PRDM11: variants seen among roughly 807,000 people sequenced by gnomAD.
The protein encoded by PRDM11 is PR domain-containing protein 11.
PRDM11 carries 20 observed loss-of-function variants against 97.8 expected under a neutral mutation model. The observed-to-expected ratio is 0.20, with a 90% confidence interval of 0.14 to 0.30. PRDM11 has a LOEUF of 0.30. Among genes scored for constraint, PRDM11 ranks in the 10% least tolerant of loss-of-function variants. The pLI is 1.00. For synonymous variants in PRDM11, 599 were observed against 637.7 expected (o/e 0.94, Z 0.91); for missense variants, 1,139 against 1,555.2 (o/e 0.73, Z 4.50).
intron 1 of PRDM11, among the ~76,000 whole-genome samples, chr11:45,149,756 G>A (rs1016314549): frequency 1.5e-4 from 23 of 152,236 alleles, no homozygotes; most frequent in Non-Finnish European, 2.4e-4. Context: ...CACTCCGTGC[G>A]TGAAGCCCTT....
chr11:45,182,091 C>T (rs1164454079), intron 2 of PRDM11, among the ~76,000 whole-genome samples, 155 bp from the exon 3 acceptor site: 1 of 152,146 alleles, frequency 6.6e-6, no homozygotes, highest in Non-Finnish European at 1.5e-5. Flanking sequence ...CCAGTTTTTC[C>T]ACCACCTCCT....
chr11:45,220,234 G>A (rs1025732884), intron 6 of PRDM11, among the ~76,000 whole-genome samples: 3 of 152,234 alleles, frequency 2.0e-5, no homozygotes, highest in African/African-American at 7.2e-5. Flanking sequence ...TTAAAAGTTT[G>A]TGAAGAGTAG....
At chr11:45,154,834 A>T (rs1211281647) in intron 1 of PRDM11, among the ~76,000 whole-genome samples, 1 of 152,190 alleles carries the variant, frequency 6.6e-6, no homozygotes, top group Non-Finnish European at 1.5e-5. Flanking sequence ...TAGAGCTCAT[A>T]CAGTTTAGGA....
At chr11:45,155,696 G>A (rs928724975) in intron 1 of PRDM11, among the ~76,000 whole-genome samples, 6 of 151,956 alleles carry the variant, frequency 3.9e-5, no homozygotes, top group South Asian at 2.1e-4. Context: ...GCAGAGGGCA[G>A]GGAGGTGAAG....
rs1565241846 is a variant in PRDM11, at chr11:45,126,711, T to C, written c.96+30810T>C. On this transcript the variant is annotated intron_variant, in intron 1 of 6. Coordinates refer to the PRDM11 transcript ENST00000530656. ...GAGTTTCTGCCGAGAGATCCACTGT[T>C]AGTCTGATGGGCTTCCCTTTGTGGG... Among the ~76,000 whole-genome samples, 4 of 152,348 alleles carry C rather than the reference T, an allele frequency of 2.6e-5. No individual in the cohort carries two copies. In the Middle Eastern group the frequency reaches 0.014, roughly 518 times the overall value.
chr11:45,155,044 G>T (rs1851758042), intron 1 of PRDM11, among the ~76,000 whole-genome samples: 1 of 152,206 alleles, frequency 6.6e-6, no homozygotes, highest in Admixed American at 6.5e-5. Context: ...GTAGTGGCCG[G>T]TGGGCGCCTT....
chr11:45,112,453 C>G (rs910756956), intron 1 of PRDM11, among the ~76,000 whole-genome samples: 1 of 152,168 alleles, frequency 6.6e-6, no homozygotes, highest in East Asian at 1.9e-4. Flanking sequence ...GGTAGACACC[C>G]AGTAGTGGGA....
upstream of PRDM11, among the ~76,000 whole-genome samples, chr11:45,144,895 T>C (rs1254030969): frequency 6.6e-6 from 1 of 152,182 alleles, no homozygotes; most frequent in East Asian, 1.9e-4. Context: ...CAGTTCTGAA[T>C]TAATTGAAGT....
chr11:45,226,453 C>T lies in PRDM11; in HGVS notation c.1828C>T (p.Arg610Trp), dbSNP rs575457646. The change falls in exon 8 of 8, where the codon CGG (arginine) becomes TGG (tryptophan). Residue 610 changes from arginine to tryptophan, a missense_variant. Transcript: ENST00000683152. ...ALEGRPYLDF[R>W]PLAELLRKCE... ...GGAGGGCAGGCCCTACCTGGACTTCCGGCCCCTGGCGGAGCTGCTGAGGAA... is the reference window on the plus strand; with the variant it reads ...GGAGGGCAGGCCCTACCTGGACTTCTGGCCCCTGGCGGAGCTGCTGAGGAA... 1.1e-5 allele frequency: 17 copies of T among 1,533,886 alleles called. No homozygotes were observed. The highest frequency in any genetic ancestry group is 7.1e-5 in the South Asian group (6 of 83,970).
intron 4 of PRDM11, among the ~76,000 whole-genome samples, chr11:45,199,939 G>C (rs190833461): frequency 6.6e-6 from 1 of 152,196 alleles, no homozygotes; most frequent in Non-Finnish European, 1.5e-5. Context: ...CTGCAGCTCA[G>C]AGATCCCATA....
At chr11:45,186,825 G>A (rs58893870) in intron 4 of PRDM11, among the ~76,000 whole-genome samples, 3,779 of 152,270 alleles carry the variant, frequency 0.025, 110 homozygotes, top group African/African-American at 0.07. Context: ...TTGTTCTGAC[G>A]AGGAAACACA....
At chr11:45,168,923 C>T (rs865815993) in intron 1 of PRDM11, among the ~76,000 whole-genome samples, 13 of 152,212 alleles carry the variant, frequency 8.5e-5, no homozygotes. Flanking sequence ...GGCCACACCC[C>T]CTTCTCCCCA....
At chr11:45,177,559 C>CTAT (rs1852359296) in intron 1 of PRDM11, among the ~76,000 whole-genome samples, 1 of 152,188 alleles carries the variant, frequency 6.6e-6, no homozygotes, top group Non-Finnish European at 1.5e-5. Context: ...CTCCCTGTCC[C>CTAT]TATGGCCTTT....
At chr11:45,132,588 T>G (rs148937319) in intron 1 of PRDM11, among the ~76,000 whole-genome samples, 1 of 152,196 alleles carries the variant, frequency 6.6e-6, no homozygotes, top group African/African-American at 2.4e-5. Context: ...TCCTGAAAGG[T>G]AGAGTAATGC....
Position 45,227,207 on chromosome 11 carries a change from C to T in PRDM11, c.2582C>T (p.Ala861Val). 1 of 1,533,998 alleles carries T rather than the reference C, an allele frequency of 6.5e-7. No individual in the cohort carries two copies. The highest frequency in any genetic ancestry group is 2.4e-5 in the East Asian group (1 of 40,912). Residue 861 changes from alanine to valine, a missense_variant, in exon 8 of 8, where the codon GCC becomes GTC. Ala to Val is a moderately conservative substitution (Grantham distance 64). Transcript: ENST00000683152. The surrounding 1 kb of genome is among the most constrained non-coding windows in gnomAD (Gnocchi z 8.0). The part of the protein sequence containing the change: ...EVSSQTQRAD[A>V]SAIALALLQF... ...AGCAGCCAGACCCAGCGGGCAGACG[C>T]CTCGGCCATCGCACTGGCCCTGCTG...
intron 1 of PRDM11, among the ~76,000 whole-genome samples, chr11:45,164,132 G>GTGAGGATAGA (rs1312403078): frequency 3.3e-5 from 5 of 152,196 alleles, no homozygotes; most frequent in Non-Finnish European, 5.9e-5. Flanking sequence ...TGAGATTGAG[G>GTGAGGATAGA]TGAGGATAGA....
chr11:45,111,374 G>A, intron 1 of PRDM11, among the ~76,000 whole-genome samples: 1 of 150,136 alleles, frequency 6.7e-6, no homozygotes, highest in East Asian at 2.0e-4. Flanking sequence ...TCGGACCAAC[G>A]AACCCATTTC....
chr11:45,213,926 C>T (rs1853873677), intron 5 of PRDM11: 1 of 355,362 alleles, frequency 2.8e-6, no homozygotes. Flanking sequence ...TGCCCCTTGC[C>T]AGGCCTCTGC....
At chr11:45,133,837 C>T (rs186759848) in intron 1 of PRDM11, among the ~76,000 whole-genome samples, 27 of 152,318 alleles carry the variant, frequency 1.8e-4, no homozygotes, top group East Asian at 1.5e-3. Flanking sequence ...CCCCAGCTCA[C>T]GGGTCTCATT....
Sources: allele counts gnomAD v4.1 joint callset (sites outside exome capture counted in the v4.1 genomes callset), GRCh38; gene constraint gnomAD v4.1.1; non-coding constraint Gnocchi (gnomAD v3.1); transcripts MANE v1.5; gene names NCBI Gene and HGNC (gene_info 2026-07-23, HGNC 2026-07-21).